Variants in TMC1 observed in about 807,000 individuals in gnomAD.
TMC1 encodes transmembrane channel like 1.
TMC1 carries 84 observed loss-of-function variants against 105.8 expected under a neutral mutation model. That is an observed-to-expected ratio of 0.79 (90% CI 0.67 to 0.95). The LOEUF is 0.95. TMC1 is among the 40% of genes least tolerant of loss of function. The pLI is 0.00. For missense variants in TMC1, 817 were observed against 914.1 expected, an observed-to-expected ratio of 0.89 and a Z score of 1.37; for synonymous variants, 315 against 311.5, an observed-to-expected ratio of 1.01 and a Z score of -0.12.
chr9:72,538,146 A>C (rs928778569), intron 1 of TMC1, among the ~76,000 whole-genome samples: 3 of 129,658 alleles, frequency 2.3e-5, no homozygotes, highest in Non-Finnish European at 4.7e-5. Context: ...ACAGAGCCAG[A>C]CCCTGTCTGA....
chr9:72,685,100 C>CTTTTTTTT lies in TMC1; in HGVS notation c.17-3592_17-3585dup, dbSNP rs71359515. Among the ~76,000 whole-genome samples the CTTTTTTTT allele has an allele frequency of 1.1e-3, 96 of 91,042 alleles. 3 individuals carry two copies. The highest frequency in any genetic ancestry group is 3.9e-3 in the African/African-American group (83 of 21,114). 59.7% of individuals were successfully genotyped at this position (91,042 alleles called of 152,430 possible). On this transcript the variant is annotated intron_variant, in intron 5 of 23. Transcript: ENST00000297784. ...CAAACCTTACTGTTATAAAGTCATT[C>CTTTTTTTT]TTTTTTTTTTTTTTTTTTTTTTTTG...
chr9:72,780,467 A>T (rs1828077659), intron 13 of TMC1, among the ~76,000 whole-genome samples: 1 of 152,218 alleles, frequency 6.6e-6, no homozygotes, highest in Non-Finnish European at 1.5e-5. Context: ...CAGAATGGCA[A>T]GTTGGATCAA....
chr9:72,594,484 G>A (rs906926456), intron 2 of TMC1, among the ~76,000 whole-genome samples: 2 of 152,216 alleles, frequency 1.3e-5, no homozygotes, highest in African/African-American at 4.8e-5. Context: ...ACGACAGGTA[G>A]AAGAGGGCAG....
intron 8 of TMC1, among the ~76,000 whole-genome samples, chr9:72,715,432 C>A (rs1212902405): frequency 6.6e-6 from 1 of 152,030 alleles, no homozygotes; most frequent in Non-Finnish European, 1.5e-5. Context: ...TCACATGATC[C>A]CATATTTCCT....
chr9:72,788,839 T>C (rs1210982580), intron 14 of TMC1, among the ~76,000 whole-genome samples: 1 of 152,192 alleles, frequency 6.6e-6, no homozygotes, highest in African/African-American at 2.4e-5. Context: ...AACATTATTT[T>C]GTAGTTTTTT....
chr9:72,619,521 T>C (rs966114748), intron 3 of TMC1, among the ~76,000 whole-genome samples: 4 of 152,094 alleles, frequency 2.6e-5, no homozygotes, highest in African/African-American at 9.7e-5. Flanking sequence ...AATGGTGAAA[T>C]GTGAATAGTT....
At chr9:72,635,829 C>G (rs550113547) in intron 4 of TMC1, among the ~76,000 whole-genome samples, 52 of 152,264 alleles carry the variant, frequency 3.4e-4, no homozygotes, top group African/African-American at 1.2e-3. Context: ...AACCCAGATG[C>G]TGTCATATCA....
At chr9:72,666,957 G>T (rs191965744) in intron 5 of TMC1, among the ~76,000 whole-genome samples, 2 of 151,928 alleles carry the variant, frequency 1.3e-5, no homozygotes, top group East Asian at 1.9e-4. Context: ...GCGTGTGCCT[G>T]TAGTCCCAGC....
At chr9:72,747,504 A>C (rs1827508468) in intron 10 of TMC1, among the ~76,000 whole-genome samples, 1 of 152,250 alleles carries the variant, frequency 6.6e-6, no homozygotes, top group African/African-American at 2.4e-5. Flanking sequence ...TGAAAGAAAC[A>C]AGAATATTCA....
At chr9:72,744,264 G>T (rs935732493) in intron 10 of TMC1, among the ~76,000 whole-genome samples, 2 of 151,964 alleles carry the variant, frequency 1.3e-5, no homozygotes, top group South Asian at 4.2e-4. Flanking sequence ...TTAATTTTTT[G>T]ATGTAATCTT....
In TMC1 at chr9:72,754,617, A is replaced by T. The variant is rs13285034; in HGVS notation, c.643-169A>T. 0.062 allele frequency among the ~76,000 whole-genome samples: 9,497 copies of T among 152,108 alleles called. 330 individuals carry two copies. The highest frequency in any genetic ancestry group is 0.086 in the African/African-American group (3,548 of 41,488). ...GGTCCTTTGCACTCCCTTTGTTCTT[A>T]CCTCTGGATTTAGTAGTCGATTCCC... On this transcript the variant is annotated intron_variant, in intron 11 of 23. Transcript: ENST00000297784.
chr9:72,585,152 CT>C lies in TMC1; in HGVS notation c.-306+7145del, dbSNP rs1274611916. 5.5e-3 allele frequency among the ~76,000 whole-genome samples: 688 copies of C among 126,040 alleles called. 4 individuals carry two copies. Among genetic ancestry groups the C allele is most frequent in the Middle Eastern group, 0.015 (3 of 202 alleles). 82.7% of individuals were successfully genotyped at this position (126,040 alleles called of 152,430 possible). On this transcript the variant is annotated intron_variant, in intron 2 of 23. Transcript: ENST00000297784. Reference sequence around the variant, plus strand: ...CTGTCACTCATCATGGGTGCCATGTCTTTTTTTTTTTTTTTTGAGATGGAGT... The same window carrying C: ...CTGTCACTCATCATGGGTGCCATGTCTTTTTTTTTTTTTTTGAGATGGAGT...
chr9:72,602,239 C>T (rs1322249660), intron 2 of TMC1, among the ~76,000 whole-genome samples: 2 of 151,968 alleles, frequency 1.3e-5, no homozygotes, highest in African/African-American at 4.8e-5. Flanking sequence ...AATATTATTA[C>T]AAATGAAGAG....
chr9:72,530,203 G>A (rs779219635), intron 1 of TMC1, among the ~76,000 whole-genome samples: 1 of 151,988 alleles, frequency 6.6e-6, no homozygotes, highest in Non-Finnish European at 1.5e-5. Flanking sequence ...CTTTGAGATG[G>A]AGTCTCACTC....
intron 4 of TMC1, among the ~76,000 whole-genome samples, chr9:72,644,737 G>T (rs1281053563): frequency 6.6e-6 from 1 of 151,998 alleles, no homozygotes; most frequent in Non-Finnish European, 1.5e-5. Context: ...CAAGTAATTT[G>T]CATTAATCAA....
chr9:72,611,492 G>T (rs960705441), intron 2 of TMC1, among the ~76,000 whole-genome samples: 1 of 152,092 alleles, frequency 6.6e-6, no homozygotes, highest in Non-Finnish European at 1.5e-5. Context: ...GGTCCCTGTT[G>T]TTTGATATTA....
At chr9:72,611,043 G>A (rs1825016219) in intron 2 of TMC1, among the ~76,000 whole-genome samples, 1 of 152,186 alleles carries the variant, frequency 6.6e-6, no homozygotes, top group African/African-American at 2.4e-5. Context: ...AAGATAATTG[G>A]ATGATGTAAG....
chr9:72,833,557 T>A (rs1276419129), intron 23 of TMC1, among the ~76,000 whole-genome samples: 1 of 152,136 alleles, frequency 6.6e-6, no homozygotes, highest in Non-Finnish European at 1.5e-5. Context: ...TTTTCCATTT[T>A]CCCCAACTTC....
chr9:72,716,632 C>T (rs1445038259), intron 8 of TMC1, among the ~76,000 whole-genome samples: 1 of 152,138 alleles, frequency 6.6e-6, no homozygotes, highest in African/African-American at 2.4e-5. Context: ...TCGAGCATGC[C>T]AGATCGAGCT....
Sources: gnomAD v4.1 joint callset for allele counts (sites outside exome capture counted in the v4.1 genomes callset) on GRCh38, gnomAD v4.1.1 for gene constraint, MANE v1.5 for transcripts, NCBI Gene and HGNC (gene_info 2026-07-23, HGNC 2026-07-21) for gene names.